Variants in DGKB observed in about 807,000 individuals in gnomAD.
DGKB encodes diacylglycerol kinase beta, also known as 90 kDa diacylglycerol kinase.
Under a neutral mutation model 114.3 loss-of-function variants are expected in DGKB, and 67 were observed. The ratio of observed to expected loss-of-function variants is 0.59; its 90% CI spans 0.48 to 0.72. The LOEUF (loss-of-function observed/expected upper bound fraction) is 0.72. Ranked by LOEUF, DGKB falls within the 30% of genes least tolerant of loss-of-function variation. The probability of loss-of-function intolerance (pLI) is 0.00; values close to 1 mark genes in which losing one functional copy is unlikely to be tolerated. For missense variants in DGKB, 907 were observed against 975.2 expected, an observed-to-expected ratio of 0.93 and a Z score of 0.93; for synonymous variants, 398 against 323.1, an observed-to-expected ratio of 1.23 and a Z score of -2.49.
chr7:14,732,762 T>C (rs1254197168), intron 5 of DGKB, among the ~76,000 whole-genome samples: 1 of 152,178 alleles, frequency 6.6e-6, no homozygotes. Flanking sequence ...TCCTTTTTTT[T>C]TCCATTTTGA....
intron 1 of DGKB, among the ~76,000 whole-genome samples, chr7:14,899,316 T>C (rs986889899): frequency 9.2e-5 from 14 of 152,150 alleles, no homozygotes; most frequent in African/African-American, 3.4e-4. Flanking sequence ...GAATCATTGT[T>C]TTTCCACTTT....
chr7:14,718,505 CA>C (rs765692221), intron 6 of DGKB, 36 bp downstream of exon 6: 2 of 1,575,982 alleles, frequency 1.3e-6, no homozygotes, highest in Admixed American at 3.7e-5. Flanking sequence ...CTCCTGCCCC[CA>C]ATCACGATAA....
rs75201962 is a variant in DGKB, at chr7:14,584,670, T to G, written c.1434-1533A>C. Among the ~76,000 whole-genome samples the G allele has an allele frequency of 5.4e-3, 828 of 152,146 alleles. 7 individuals carry two copies. The highest frequency in any genetic ancestry group is 0.019 in the African/African-American group (770 of 41,514). ...CCTTTTTATTTTTTATTTTTATTTT[T>G]TTTTTGAGATGGAGTTTCACTTTTG... is the stretch of plus-strand genomic sequence containing the variant. On this transcript the variant is annotated intron_variant, in intron 17 of 25. Coordinates refer to ENST00000402815, the MANE Select transcript of DGKB (RefSeq NM_001350709.2).
At chr7:14,708,414 C>T (rs1345892496) in intron 6 of DGKB, among the ~76,000 whole-genome samples, 3 of 134,846 alleles carry the variant, frequency 2.2e-5, no homozygotes, top group African/African-American at 9.1e-5. Context: ...GATTCAATGC[C>T]ATCCCCATCA....
intron 20 of DGKB, among the ~76,000 whole-genome samples, chr7:14,488,842 CAAAAAA>C (rs779997674): frequency 2.3e-5 from 2 of 85,774 alleles, no homozygotes; most frequent in South Asian, 3.9e-4. Context: ...CAAAAAAAAA[CAAAAAA>C]AAACAAAAAA....
intron 25 of DGKB, among the ~76,000 whole-genome samples, chr7:14,163,493 A>G (rs1784201355): frequency 6.6e-6 from 1 of 152,200 alleles, no homozygotes; most frequent in African/African-American, 2.4e-5. Flanking sequence ...AAAATTGTAA[A>G]TTTATGCAAA....
At chr7:14,849,546 A>G (rs1013501453) in intron 1 of DGKB, among the ~76,000 whole-genome samples, 1 of 152,142 alleles carries the variant, frequency 6.6e-6, no homozygotes, top group South Asian at 2.1e-4. Flanking sequence ...CCAGCCTCCA[A>G]TACTGTTATA....
intron 21 of DGKB, among the ~76,000 whole-genome samples, chr7:14,467,207 A>C (rs1467657161): frequency 6.7e-6 from 1 of 149,280 alleles, no homozygotes; most frequent in East Asian, 1.9e-4. Context: ...TACTGTTTTT[A>C]AATATTTTAT....
At chr7:14,399,042 CAA>C (rs1343917345) in intron 21 of DGKB, among the ~76,000 whole-genome samples, 7 of 151,824 alleles carry the variant, frequency 4.6e-5, no homozygotes, top group Admixed American at 4.6e-4. Flanking sequence ...GATTTGGACT[CAA>C]GAGATATGAG....
intron 23 of DGKB, among the ~76,000 whole-genome samples, chr7:14,300,071 T>G (rs1055361754): frequency 1.3e-5 from 2 of 152,082 alleles, no homozygotes; most frequent in Non-Finnish European, 2.9e-5. Flanking sequence ...ACTTTAATGA[T>G]TTCTGAAAGA....
chr7:14,750,754 C>T (rs1833980620), intron 4 of DGKB, among the ~76,000 whole-genome samples: 1 of 150,912 alleles, frequency 6.6e-6, no homozygotes, highest in Admixed American at 6.6e-5. Flanking sequence ...CCTTTAGTAC[C>T]CTGCAGTGTT....
At chr7:14,170,664 A>G (rs982294444) in intron 25 of DGKB, among the ~76,000 whole-genome samples, 2 of 152,212 alleles carry the variant, frequency 1.3e-5, no homozygotes, top group African/African-American at 4.8e-5. Context: ...AGTAACTAAC[A>G]CTTTAATGTT....
intron 23 of DGKB, among the ~76,000 whole-genome samples, chr7:14,178,410 CA>C (rs56812836): frequency 0.11 from 13,836 of 121,648 alleles, 771 homozygotes; most frequent in Admixed American, 0.22. Flanking sequence ...CAAATAATAC[CA>C]AAAAAAAAAA....
chr7:14,721,698 C>T (rs891846049), intron 5 of DGKB, among the ~76,000 whole-genome samples: 2 of 152,054 alleles, frequency 1.3e-5, no homozygotes, highest in Admixed American at 1.3e-4. Flanking sequence ...AAGAACTAAT[C>T]AACTCTTCCT....
rs1163092541 is a variant in DGKB, at chr7:14,236,398, G to A, written c.2123-58247C>T. Among the ~76,000 whole-genome samples, 7 of 151,588 alleles carry A rather than the reference G, an allele frequency of 4.6e-5. No homozygotes were observed. The South Asian group carries it at 6.3e-4, about 14-fold the overall frequency. ...AAAAGGAAAATTAATAGCAAAGGTA[G>A]GATGAACCAGAGACCCTTTCAATAT... is the stretch of plus-strand genomic sequence containing the variant. On this transcript the variant is annotated intron_variant, in intron 23 of 25. Transcript: ENST00000402815.
chr7:14,295,864 A>G (rs951082677), intron 23 of DGKB, among the ~76,000 whole-genome samples: 1 of 151,626 alleles, frequency 6.6e-6, no homozygotes, highest in Non-Finnish European at 1.5e-5. Context: ...TAGCCCCCCA[A>G]CCCAGACAGG....
chr7:14,892,483 A>C (rs1781402288), intron 1 of DGKB, among the ~76,000 whole-genome samples: 2 of 151,326 alleles, frequency 1.3e-5, no homozygotes, highest in South Asian at 4.1e-4. Flanking sequence ...AGGCAAAATG[A>C]AAAACATATA....
chr7:14,305,391 C>T lies in DGKB; in HGVS notation c.2122+33124G>A, dbSNP rs541049531. Reference sequence around the variant, plus strand: ...TGGGAACATGTGATATACGTCTTTCCGTGCCTTCTTGCTTCATTTTTGATA... The same window carrying T: ...TGGGAACATGTGATATACGTCTTTCTGTGCCTTCTTGCTTCATTTTTGATA... On this transcript the variant is annotated intron_variant, in intron 23 of 25. Transcript: ENST00000402815. 5.3e-5 allele frequency among the ~76,000 whole-genome samples: 8 copies of T among 152,114 alleles called. No individual in the cohort carries two copies. The East Asian group carries it at 7.7e-4, about 15-fold the overall frequency.
Position 14,692,768 on chromosome 7 carries a change from C to T in DGKB, c.711+1307G>A, listed in dbSNP as rs1042066956. ...CACTTATTAGTATTTTATTGTTTTCCATCCTCTGACCATGTCTTGGATCCC... is the reference window on the plus strand; with the variant it reads ...CACTTATTAGTATTTTATTGTTTTCTATCCTCTGACCATGTCTTGGATCCC... On this transcript the variant is annotated intron_variant, in intron 9 of 25. Transcript: ENST00000402815. Among the ~76,000 whole-genome samples the T allele has an allele frequency of 4.0e-5, 6 of 151,336 alleles. No individual in the cohort carries two copies. In the East Asian group the frequency reaches 1.2e-3, roughly 29 times the overall value.
Sources: allele counts gnomAD v4.1 joint callset (sites outside exome capture counted in the v4.1 genomes callset), GRCh38; gene constraint gnomAD v4.1.1; transcripts MANE v1.5; gene names NCBI Gene and HGNC (gene_info 2026-07-23, HGNC 2026-07-21).